Variants in GALC observed in about 807,000 individuals in gnomAD.
The protein encoded by GALC is galactosylceramidase.
In GALC, 77 loss-of-function variants were observed where a neutral mutation model predicts 91.8. The ratio of observed to expected loss-of-function variants is 0.84; its 90% confidence interval spans 0.70 to 1.01. GALC has a LOEUF of 1.01. Among genes scored for constraint, GALC ranks in the 50% least tolerant of loss-of-function variants. The pLI, the probability that GALC is intolerant of heterozygous loss-of-function variation, is 0.00. For synonymous variants in GALC, 357 were observed against 306.7 expected (o/e 1.16, Z -1.71); for missense variants, 882 against 855.9 (o/e 1.03, Z -0.38).
intron 1 of GALC, among the ~76,000 whole-genome samples, chr14:87,991,842 G>C (rs1472074827): frequency 6.6e-6 from 1 of 152,136 alleles, no homozygotes; most frequent in Non-Finnish European, 1.5e-5. Flanking sequence ...TTTTCGGTAA[G>C]CTCTTACCCT....
intron 7 of GALC, among the ~76,000 whole-genome samples, chr14:87,971,821 CA>C (rs903827940): frequency 6.6e-6 from 1 of 152,086 alleles, no homozygotes; most frequent in African/African-American, 2.4e-5. Context: ...ATAACAATTT[CA>C]GGAGAAGGTA....
At chr14:87,978,315 G>A (rs1209113018) in intron 6 of GALC, among the ~76,000 whole-genome samples, 4 of 152,150 alleles carry the variant, frequency 2.6e-5, no homozygotes, top group African/African-American at 9.7e-5. Context: ...TTCCCAAAGT[G>A]CTGGGATTAC....
chr14:87,982,516 C>A (rs1251735112), intron 5 of GALC, among the ~76,000 whole-genome samples: 1 of 152,046 alleles, frequency 6.6e-6, no homozygotes, highest in Non-Finnish European at 1.5e-5. Flanking sequence ...ATGGAATATT[C>A]ATTAATTCAT....
rs1887277350 is a variant in GALC, at chr14:87,992,972, C to T, written c.193G>A (p.Gly65Arg). 1 of 1,520,982 alleles carries T rather than the reference C, an allele frequency of 6.6e-7. No homozygotes were observed. Among genetic ancestry groups the T allele is most frequent in the Non-Finnish European group, 8.7e-7 (1 of 1,143,548 alleles). 94.2% of individuals were successfully genotyped at this position (1,520,982 alleles called of 1,614,324 possible). Residue 65 changes from glycine to arginine, a missense_variant and splice_region_variant, in exon 1 of 17, where the codon GGG becomes AGG. Physicochemically the swap from Gly to Arg is moderately radical, Grantham distance 125 (BLOSUM62 -2). Transcript: ENST00000261304. Reference protein sequence around the residue: ...FDGIGAVSGGGATSRLLVNYP... With the variant: ...FDGIGAVSGGRATSRLLVNYP... ...TATCCCCGCAGCTTGCCGCTCACCC[C>T]GCCGCCGCTGACCGCGCCGATGCCG...
At chr14:87,978,075 G>T (rs189314104) in intron 6 of GALC, among the ~76,000 whole-genome samples, 1 of 152,120 alleles carries the variant, frequency 6.6e-6, no homozygotes, top group Admixed American at 6.5e-5. Context: ...TCTTTGAGAC[G>T]GAGTTTCGCT....
chr14:87,977,044 G>GTT (rs59046532), intron 6 of GALC, among the ~76,000 whole-genome samples: 1 of 124,672 alleles, frequency 8.0e-6, no homozygotes, highest in African/African-American at 3.4e-5. Context: ...GGGGGGGGGG[G>GTT]ATGAAACAAA....
intron 10 of GALC, among the ~76,000 whole-genome samples, chr14:87,963,106 G>A (rs1160534439): frequency 2.0e-5 from 3 of 152,098 alleles, no homozygotes; most frequent in Admixed American, 6.6e-5. Flanking sequence ...CGTGAAGGTC[G>A]TCTCCACAAA....
intron 1 of GALC, 117 bp downstream of exon 1, chr14:87,992,853 A>T: frequency 7.1e-7 from 1 of 1,400,728 alleles, no homozygotes; most frequent in Non-Finnish European, 9.2e-7. Context: ...CCCTAGGGGA[A>T]TGCGGCGGAG....
rs114637071 is a variant in GALC, at chr14:87,937,682, G to C, written c.1911+2223C>G. On this transcript the variant is annotated intron_variant, in intron 16 of 16. Transcript: ENST00000261304. ...GAATGGGGTCAAGAAGAAGGAACAG[G>C]ATGTGAGGCAAGATGCCTCACATCC... 4.5e-3 allele frequency among the ~76,000 whole-genome samples: 676 copies of C among 151,708 alleles called. 4 individuals are homozygous for C. The highest frequency in any genetic ancestry group is 0.015 in the African/African-American group (640 of 41,416).
At chr14:87,941,072 A>G (rs1158584544) in intron 15 of GALC, among the ~76,000 whole-genome samples, 12 of 151,864 alleles carry the variant, frequency 7.9e-5, no homozygotes, top group Admixed American at 7.9e-4. Flanking sequence ...GTGCCTCCTG[A>G]GCATTCTCTC....
chr14:87,983,304 T>A (rs1886822789), intron 5 of GALC, among the ~76,000 whole-genome samples: 1 of 151,298 alleles, frequency 6.6e-6, no homozygotes, highest in Non-Finnish European at 1.5e-5. Context: ...TGCACTCCAA[T>A]CCGGGTGACA....
chr14:87,962,982 C>G (rs2139990887), intron 10 of GALC, among the ~76,000 whole-genome samples: 1 of 152,260 alleles, frequency 6.6e-6, no homozygotes, highest in Admixed American at 6.6e-5. Flanking sequence ...GCCCCTCAAT[C>G]ACTTGAATTT....
chr14:87,957,025 G>A (rs1420920995), intron 10 of GALC, among the ~76,000 whole-genome samples: 2 of 151,936 alleles, frequency 1.3e-5, no homozygotes, highest in East Asian at 1.9e-4. Context: ...GTGATGTTGA[G>A]CATTTTTTTT....
upstream of GALC, chr14:87,993,626 A>G (rs1887340384): frequency 6.0e-6 from 4 of 666,464 alleles, no homozygotes; most frequent in Non-Finnish European, 1.0e-5. Flanking sequence ...AGGCGAGAAG[A>G]GCAGCAGAGT....
intron 8 of GALC, among the ~76,000 whole-genome samples, chr14:87,966,824 G>A (rs566744526): frequency 1.3e-5 from 2 of 152,234 alleles, no homozygotes; most frequent in African/African-American, 2.4e-5. Flanking sequence ...GTATACAATT[G>A]AACATTTCAG....
intron 11 of GALC, 70 bp from the exon 12 acceptor site, chr14:87,950,001 G>T: frequency 1.3e-6 from 1 of 792,912 alleles, no homozygotes. Context: ...TCCAAAATCA[G>T]TACCAGCAAG....
intron 16 of GALC, among the ~76,000 whole-genome samples, chr14:87,936,916 A>ATATATATATATATATATATATATATATAT (rs1431339979): frequency 7.2e-6 from 1 of 139,572 alleles, no homozygotes; most frequent in African/African-American, 2.8e-5. Context: ...ATATATATTT[A>ATATATATATATATATATATATATATATAT]TTTATTTTCT....
In GALC at chr14:87,934,870, G is replaced by A. The variant is rs772467584; in HGVS notation, c.1920C>T (p.Phe640=). Residue 640 remains phenylalanine, a synonymous_variant, in exon 17 of 17, where the codon TTC becomes TTT. Transcript: ENST00000261304. ...YTLTLTIKGH[F]TSGMLNDKSL... Reference sequence around the variant, plus strand: ...ACTTGTCATTCAGCATGCCAGAGGTGAAATGACCCTAGAGTAGAAAGAAAC... The same window carrying A: ...ACTTGTCATTCAGCATGCCAGAGGTAAAATGACCCTAGAGTAGAAAGAAAC... The A allele has an allele frequency of 1.2e-5, 20 of 1,604,524 alleles. No homozygotes were observed. The highest frequency in any genetic ancestry group is 5.4e-5 in the African/African-American group (4 of 74,698).
intron 7 of GALC, among the ~76,000 whole-genome samples, chr14:87,969,084 T>C (rs903152382): frequency 1.3e-5 from 2 of 152,180 alleles, no homozygotes; most frequent in Non-Finnish European, 2.9e-5. Flanking sequence ...ATAAAAAGAA[T>C]AAGCTACCTT....
Sources: gnomAD v4.1 joint callset for allele counts (sites outside exome capture counted in the v4.1 genomes callset) on GRCh38, gnomAD v4.1.1 for gene constraint, MANE v1.5 for transcripts, NCBI Gene and HGNC (gene_info 2026-07-23, HGNC 2026-07-21) for gene names.